VTI1A: variants seen among roughly 807,000 people sequenced by gnomAD.
The protein encoded by VTI1A is vesicle transport through interaction with t-SNAREs 1A.
VTI1A carries 22 observed loss-of-function variants against 34.9 expected under a neutral mutation model. That is an observed-to-expected ratio of 0.63 (90% CI 0.45 to 0.90). The LOEUF (loss-of-function observed/expected upper bound fraction) is 0.90. Ranked by LOEUF, VTI1A falls within the 40% of genes least tolerant of loss-of-function variation. VTI1A has a pLI of 0.00. For missense variants in VTI1A, 268 were observed against 275.6 expected (o/e 0.97, Z 0.20); for synonymous variants, 87 against 97.3 (o/e 0.89, Z 0.62).
chr10:112,483,279 A>T (rs759120520), intron 3 of VTI1A, among the ~76,000 whole-genome samples: 4 of 152,216 alleles, frequency 2.6e-5, no homozygotes, highest in Non-Finnish European at 4.4e-5. Flanking sequence ...CAATTAAAAA[A>T]AAAATCCATA....
At chr10:112,485,419 ATGT>A (rs967697374) in intron 3 of VTI1A, 1 of 152,208 alleles carries the variant, frequency 6.6e-6, no homozygotes, top group Non-Finnish European at 1.5e-5. Context: ...ATATGATTTG[ATGT>A]TGTATTTTAG....
chr10:112,825,154 G>A, the VTI1A span: 2 of 152,220 alleles, frequency 1.3e-5, no homozygotes, highest in Non-Finnish European at 2.9e-5. Context: ...TGGGACAGTG[G>A]AATGTGAACT....
chr10:112,739,608 T>C (rs1169511866), intron 7 of VTI1A, among the ~76,000 whole-genome samples: 2 of 152,258 alleles, frequency 1.3e-5, no homozygotes, highest in African/African-American at 2.4e-5. Context: ...TTCTTTTCAC[T>C]CAGTTACTCT....
rs869030543 is a variant in VTI1A, at chr10:112,811,683, CAAA to C, written c.561-3580_561-3578del. On this transcript the variant is annotated intron_variant, in intron 7 of 7. Transcript: ENST00000393077. Reference sequence around the variant, plus strand: ...TGGGCGACAGAGCGAGACTCCGTCTCAAAAAAAAAAAAAAAAAAAAAAAAAAAA... The same window carrying C: ...TGGGCGACAGAGCGAGACTCCGTCTCAAAAAAAAAAAAAAAAAAAAAAAAA... 4.3e-3 allele frequency among the ~76,000 whole-genome samples: 51 copies of C among 11,836 alleles called. 1 individual carries two copies. The highest frequency in any genetic ancestry group is 0.017 in the African/African-American group (48 of 2,874). The allele number at this position is 11,836 out of a possible 152,430, so 7.8% of individuals were successfully genotyped here.
chr10:112,451,330 G>A (rs1589779299), intron 1 of VTI1A, among the ~76,000 whole-genome samples: 1 of 152,254 alleles, frequency 6.6e-6, no homozygotes, highest in South Asian at 2.1e-4. Flanking sequence ...GAAAACACGT[G>A]ATATACTAGC....
intron 5 of VTI1A, chr10:112,548,741 G>T: frequency 1.4e-6 from 2 of 1,416,786 alleles, no homozygotes. Flanking sequence ...ATCACGAAGG[G>T]ACCCAGAGAT....
intron 3 of VTI1A, among the ~76,000 whole-genome samples, chr10:112,465,425 A>G (rs1045851253): frequency 6.6e-6 from 1 of 152,202 alleles, no homozygotes; most frequent in African/African-American, 2.4e-5. Flanking sequence ...TCATAGCAGC[A>G]TTTTCACAAT....
chr10:112,762,322 T>C (rs1186650341), intron 7 of VTI1A, among the ~76,000 whole-genome samples: 2 of 151,586 alleles, frequency 1.3e-5, no homozygotes, highest in African/African-American at 4.8e-5. Context: ...AAATCAGGGG[T>C]GAAGTTGGAC....
chr10:112,851,032 C>G, the VTI1A span, among the ~76,000 whole-genome samples: 2 of 152,250 alleles, frequency 1.3e-5, no homozygotes, highest in Non-Finnish European at 2.9e-5. Context: ...GACAGAGGCG[C>G]ATGTTTCCTT....
downstream of VTI1A, among the ~76,000 whole-genome samples, chr10:112,823,319 C>T (rs929147340): frequency 5.3e-5 from 8 of 152,162 alleles, no homozygotes; most frequent in East Asian, 1.9e-4. Flanking sequence ...ATTTTTTCCT[C>T]CTGCTTATTA....
Position 112,456,886 on chromosome 10 carries a change from T to C in VTI1A, c.95-3638T>C, listed in dbSNP as rs116250708. The stretch of plus-strand genomic sequence containing the variant: ...ACTGTAAGTTCCTATTTCCTTGGTA[T>C]CCTGAGCTACTCCTCATACTTGTCT... On this transcript the variant is annotated intron_variant, in intron 1 of 7. Coordinates refer to ENST00000393077, the MANE Select transcript of VTI1A (RefSeq NM_145206.4). Among the ~76,000 whole-genome samples, 1,203 of 152,338 alleles carry C rather than the reference T, an allele frequency of 7.9e-3. 14 individuals are homozygous for C. Among genetic ancestry groups the C allele is most frequent in the African/African-American group, 0.025 (1,048 of 41,570 alleles).
chr10:112,468,486 G>C (rs1175780901), intron 3 of VTI1A, among the ~76,000 whole-genome samples: 1 of 152,194 alleles, frequency 6.6e-6, no homozygotes, highest in Non-Finnish European at 1.5e-5. Flanking sequence ...GTTTATTGCA[G>C]TTGAAGCCGT....
chr10:112,619,336 TGTAAGCACGTTCATCTGGAGGTCTGG>T, intron 5 of VTI1A, among the ~76,000 whole-genome samples: 1 of 152,046 alleles, frequency 6.6e-6, no homozygotes, highest in Non-Finnish European at 1.5e-5. Flanking sequence ...CCCAGGTACC[TGTAAGCACGTTCATCTGGAGGTCTGG>T]GTAAGCACGT....
rs899115316 is a variant in VTI1A, at chr10:112,634,867, A to G, written c.428-33351A>G. 2.0e-5 allele frequency among the ~76,000 whole-genome samples: 3 copies of G among 152,114 alleles called. 1 individual carries two copies. Among genetic ancestry groups the G allele is most frequent in the Non-Finnish European group, 4.4e-5 (3 of 68,038 alleles). On this transcript the variant is annotated intron_variant, in intron 5 of 7. Transcript: ENST00000393077. ...TCATTAAGTTTGCCATCAATTTACA[A>G]TCCATGCCCATTGCCTCCTTCACAA...
intron 7 of VTI1A, among the ~76,000 whole-genome samples, chr10:112,714,323 C>G (rs931041710): frequency 2.6e-5 from 4 of 152,116 alleles, no homozygotes; most frequent in African/African-American, 9.7e-5. Context: ...ATGCCTTTCC[C>G]CTGCTTTAGT....
At chr10:112,693,273 G>A (rs1188707671) in intron 7 of VTI1A, among the ~76,000 whole-genome samples, 1 of 152,156 alleles carries the variant, frequency 6.6e-6, no homozygotes, top group South Asian at 2.1e-4. Flanking sequence ...CTGGCGGGGC[G>A]TGATGGCTCA....
chr10:112,717,005 A>C (rs543811555), intron 7 of VTI1A, among the ~76,000 whole-genome samples: 1 of 152,174 alleles, frequency 6.6e-6, no homozygotes, highest in African/African-American at 2.4e-5. Context: ...ACATAGTTGG[A>C]GTAAGAGGAC....
intron 5 of VTI1A, among the ~76,000 whole-genome samples, chr10:112,614,743 A>T (rs1191247959): frequency 6.6e-6 from 1 of 152,130 alleles, no homozygotes; most frequent in East Asian, 1.9e-4. Context: ...AGTTTGTGAA[A>T]TCAGGTTAAT....
In VTI1A at chr10:112,641,583, T is replaced by C. The variant is rs576866021; in HGVS notation, c.428-26635T>C. ...CTCAGGCAGAAACTCCCAACAGCAG[T>C]TGGCAAGGGTCCCAGCATCAATTCC... On this transcript the variant is annotated intron_variant, in intron 5 of 7. Transcript: ENST00000393077. Among the ~76,000 whole-genome samples the C allele has an allele frequency of 2.0e-5, 3 of 152,198 alleles. No homozygotes were observed. The South Asian group carries it at 6.2e-4, about 32-fold the overall frequency.
Sources: gnomAD v4.1 joint callset for allele counts (sites outside exome capture counted in the v4.1 genomes callset) on GRCh38, gnomAD v4.1.1 for gene constraint, MANE v1.5 for transcripts, NCBI Gene and HGNC (gene_info 2026-07-23, HGNC 2026-07-21) for gene names.